Variants in IQANK1 observed in about 807,000 individuals in gnomAD.
The protein encoded by IQANK1 is IQ motif and ankyrin repeat domain-containing protein 1.
A neutral mutation model predicts 22.6 loss-of-function variants in IQANK1; 30 were observed. The ratio of observed to expected loss-of-function variants is 1.33; its 90% CI spans 0.99 to 1.80. The LOEUF (loss-of-function observed/expected upper bound fraction) is 1.80, where lower values mean the gene tolerates loss of function less well. Ranked by LOEUF, IQANK1 falls within the 40% of genes most tolerant of loss-of-function variation. The probability of loss-of-function intolerance (pLI) is 0.00; values close to 1 mark genes in which losing one functional copy is unlikely to be tolerated. For synonymous variants in IQANK1, 122 were observed against 99.6 expected (o/e 1.23, Z -1.34); for missense variants, 275 against 235.2 (o/e 1.17, Z -1.11).
At position 143,786,159 on chromosome 8, in the gene IQANK1, G is replaced by A. The variant is rs554054457; in HGVS notation, c.790-2756G>A. Among the ~76,000 whole-genome samples, 25 of 152,210 alleles carry A rather than the reference G, an allele frequency of 1.6e-4. 1 individual carries two copies. Among genetic ancestry groups the A allele is most frequent in the Admixed American group, 1.4e-3 (22 of 15,290 alleles). On this transcript the variant is annotated intron_variant, in intron 7 of 13. Coordinates refer to ENST00000527139, the MANE Select transcript of IQANK1 (RefSeq NM_001381874.1). ...ATTACAGGCATGAGCCACCTTGCCTGGCCATGTCATACGTTTTACTGGTAG... is the reference window on the plus strand; with the variant it reads ...ATTACAGGCATGAGCCACCTTGCCTAGCCATGTCATACGTTTTACTGGTAG...
chr8:143,776,964 A>C (rs1176696468), intron 7 of IQANK1, among the ~76,000 whole-genome samples: 3 of 152,040 alleles, frequency 2.0e-5, no homozygotes, highest in Non-Finnish European at 2.9e-5. Context: ...TAGAATTAAA[A>C]AAAAAATTAA....
intron 7 of IQANK1, among the ~76,000 whole-genome samples, chr8:143,773,187 G>A (rs527934254): frequency 1.3e-5 from 2 of 152,096 alleles, no homozygotes; most frequent in East Asian, 1.9e-4. Flanking sequence ...CACGCCTGTA[G>A]TCCCAGCTAC....
Position 143,790,267 on chromosome 8 carries a change from C to A in IQANK1, c.1420C>A (p.Leu474Met), listed in dbSNP as rs775266481. 1.4e-5 allele frequency: 17 copies of A among 1,232,068 alleles called. No homozygotes were observed. The highest frequency in any genetic ancestry group is 1.7e-5 in the Non-Finnish European group (17 of 988,086). The allele number at this position is 1,232,068 out of a possible 1,614,324, so 76.3% of individuals were successfully genotyped here. A position where few individuals can be genotyped will look rare whatever the true frequency, so the allele number is the denominator to read the frequency against. Residue 474 changes from leucine to methionine, a missense_variant, in exon 13 of 14, where the codon CTG (leucine) becomes ATG (methionine). Physicochemically the swap from Leu to Met is conservative, Grantham distance 15. Transcript: ENST00000527139. ...ETMWLALLGA[L>M]RYGKPLVFDL... is the part of the protein sequence containing the mutation. ...GATGTGGCTGGCTCTGCTGGGGGCT[C>A]TGCGGTGAGGCAGGCAGGGTGACAG...
rs1168128801 is a variant in IQANK1, at chr8:143,789,080, AGGTGCTGGCGAGG to A, written c.938+27_938+39del. On this transcript the variant is annotated intron_variant, in intron 8 of 13. Transcript: ENST00000527139. ...GTGTGGAAGGCAGGAGGGGTGTGGG[AGGTGCTGGCGAGG>A]GGTGCTGGCAAGGGGCGCTGGCAGG... 1.0e-4 allele frequency: 42 copies of A among 401,036 alleles called. No individual in the cohort carries two copies. The highest frequency in any genetic ancestry group is 6.2e-4 in the Admixed American group (14 of 22,724). 24.8% of individuals were successfully genotyped at this position (401,036 alleles called of 1,614,324 possible). A position where few individuals can be genotyped will look rare whatever the true frequency, so the allele number is the denominator to read the frequency against.
intron 7 of IQANK1, among the ~76,000 whole-genome samples, chr8:143,776,647 C>G (rs897908125): frequency 6.6e-6 from 1 of 152,138 alleles, no homozygotes; most frequent in Non-Finnish European, 1.5e-5. Flanking sequence ...ACTGAGGCAG[C>G]AGGAGATCAC....
At chr8:143,736,001 T>C (rs1443319673) in intron 2 of IQANK1, 63 bp downstream of exon 2, 4 of 694,546 alleles carry the variant, frequency 5.8e-6, no homozygotes, top group African/African-American at 1.8e-5. Context: ...AGACCTTCTA[T>C]GTAGCCACCG....
In IQANK1 at chr8:143,773,253, G is replaced by A. The variant is rs1260272798; in HGVS notation, c.789+771G>A. ...ACCTGGGAGGCAGAGGTTGCAGCGA[G>A]CCAAGATGGCGCCACTGCACTCCAG... On this transcript the variant is annotated intron_variant, in intron 7 of 13. Coordinates refer to ENST00000527139, the MANE Select transcript of IQANK1 (RefSeq NM_001381874.1). Among the ~76,000 whole-genome samples, 5 of 150,164 alleles carry A rather than the reference G, an allele frequency of 3.3e-5. No homozygotes were observed. The East Asian group carries it at 7.8e-4, about 23-fold the overall frequency.
intron 7 of IQANK1, among the ~76,000 whole-genome samples, chr8:143,772,778 G>A (rs978094582): frequency 2.0e-5 from 3 of 152,238 alleles, no homozygotes; most frequent in African/African-American, 7.2e-5. Flanking sequence ...GAATGCCTTT[G>A]GTGTCGGGTT....
At chr8:143,748,492 G>T (rs1009462550) in intron 3 of IQANK1, among the ~76,000 whole-genome samples, 3 of 122,758 alleles carry the variant, frequency 2.4e-5, no homozygotes, top group African/African-American at 5.8e-5. Context: ...AAATATAGAT[G>T]ATATATATGA....
In IQANK1 at chr8:143,771,409, G is replaced by A. The variant is rs1184419461; in HGVS notation, c.176-79G>A. ...TTCTGTCGGGGCGGGGGCGGGGGCG[G>A]GGCCGGCTCCACTCCCAGGGGCGCA... On this transcript the variant is annotated intron_variant, in intron 3 of 13. Coordinates refer to ENST00000527139, the MANE Select transcript of IQANK1 (RefSeq NM_001381874.1). This position sits in a 1 kb window ranked among gnomAD's most constrained non-coding sequence, Gnocchi z 6.0. The A allele has an allele frequency of 8.0e-6, 3 of 374,848 alleles. No individual in the cohort carries two copies. The highest frequency in any genetic ancestry group is 3.8e-5 in the East Asian group (1 of 25,978). 23.2% of individuals were successfully genotyped at this position (374,848 alleles called of 1,614,324 possible).
Position 143,790,365 on chromosome 8 carries a change from G to A in IQANK1, c.1440G>A (p.Leu480=). 1 of 1,114,376 alleles carries A rather than the reference G, an allele frequency of 9.0e-7. No individual in the cohort carries two copies. Among genetic ancestry groups the A allele is most frequent in the Non-Finnish European group, 1.1e-6 (1 of 881,138 alleles). The allele number at this position is 1,114,376 out of a possible 1,614,324, so 69.0% of individuals were successfully genotyped here. ...LLGALRYGKP[L]VFDLREEDLF... is the part of the protein sequence containing the mutation. ...CATGGGGCAGGTATGGGAAGCCGCT[G>A]GTGTTCGACCTGCGAGAGGAAGACC... The change falls in exon 14 of 14, where the codon CTG becomes CTA. Residue 480 remains leucine, a synonymous_variant. Coordinates refer to ENST00000527139, the MANE Select transcript of IQANK1 (RefSeq NM_001381874.1).
At chr8:143,739,207 A>G (rs1171241477) in intron 2 of IQANK1, among the ~76,000 whole-genome samples, 2 of 152,034 alleles carry the variant, frequency 1.3e-5, no homozygotes, top group African/African-American at 4.8e-5. Flanking sequence ...GCTAGCCCCA[A>G]ATGCCGGCGT....
At chr8:143,785,335 C>A (rs1390987550) in intron 7 of IQANK1, among the ~76,000 whole-genome samples, 2 of 145,622 alleles carry the variant, frequency 1.4e-5, no homozygotes, top group Admixed American at 7.0e-5. Context: ...CAGCTCACTG[C>A]AACCTCTGCC....
intron 3 of IQANK1, among the ~76,000 whole-genome samples, chr8:143,748,840 A>AATATATAAATATATATATC (rs1819105364): frequency 1.7e-5 from 2 of 115,132 alleles, no homozygotes; most frequent in East Asian, 2.6e-4. Flanking sequence ...TTCATATATA[A>AATATATAAATATATATATC]ATATATAAAT....
intron 3 of IQANK1, chr8:143,760,466 A>G (rs1819373748): frequency 1.3e-5 from 2 of 150,056 alleles, no homozygotes; most frequent in Non-Finnish European, 3.0e-5. Context: ...ACTGGAGTGC[A>G]GGAGTTCAAG....
At chr8:143,753,122 G>T (rs1000813931) in intron 3 of IQANK1, among the ~76,000 whole-genome samples, 1 of 145,786 alleles carries the variant, frequency 6.9e-6, no homozygotes, top group Admixed American at 7.2e-5. Context: ...TCCCTCCTCA[G>T]CCTCCTGAGT....
At chr8:143,736,054 T>A (rs1818729055) in intron 2 of IQANK1, 116 bp downstream of exon 2, 2 of 642,544 alleles carry the variant, frequency 3.1e-6, no homozygotes, top group Admixed American at 4.7e-5. Flanking sequence ...CAAGAGTGGC[T>A]TTTAGGGGAC....
chr8:143,745,727 T>A (rs1311884242), intron 3 of IQANK1: 1 of 151,088 alleles, frequency 6.6e-6, no homozygotes, highest in Admixed American at 6.6e-5. Context: ...GCCTCATTCA[T>A]ACATTTCTTA....
At chr8:143,775,823 C>CACACACA (rs57293834) in intron 7 of IQANK1, among the ~76,000 whole-genome samples, 34 of 140,928 alleles carry the variant, frequency 2.4e-4, no homozygotes, top group African/African-American at 5.0e-4. Context: ...CACACACACA[C>CACACACA]CATTCCTAAA....
Sources: gnomAD v4.1 joint callset for allele counts (sites outside exome capture counted in the v4.1 genomes callset) on GRCh38, gnomAD v4.1.1 for gene constraint, Gnocchi (gnomAD v3.1) non-coding constraint, MANE v1.5 for transcripts, NCBI Gene and HGNC (gene_info 2026-07-23, HGNC 2026-07-21) for gene names.